ARHGAP40: variants seen among roughly 807,000 people sequenced by gnomAD.
ARHGAP40 encodes the protein Rho GTPase activating protein 40, also known as rho GTPase-activating protein 40.
ARHGAP40 carries 43 observed loss-of-function variants against 73.5 expected under a neutral mutation model. The ratio of observed to expected loss-of-function variants is 0.58; its 90% CI spans 0.46 to 0.75. The LOEUF (loss-of-function observed/expected upper bound fraction) is 0.75, where lower values mean the gene tolerates loss of function less well. ARHGAP40 is among the 30% of genes least tolerant of loss of function. The pLI, the probability that ARHGAP40 is intolerant of heterozygous loss-of-function variation, is 0.00. For missense variants in ARHGAP40, 734 were observed against 861.8 expected, an observed-to-expected ratio of 0.85 and a Z score of 1.86; for synonymous variants, 300 against 352.8, an observed-to-expected ratio of 0.85 and a Z score of 1.68.
exon 2 of ARHGAP40, chr20:38,623,478 G>T: frequency 1.5e-6 from 2 of 1,290,924 alleles, no homozygotes; most frequent in South Asian, 1.2e-5. Flanking sequence ...GATGGCTTTT[G>T]GATGGAGGTG....
At chr20:38,650,220 G>GTA (rs1208862039) in exon 15 of ARHGAP40, 1 of 402,008 alleles carries the variant, frequency 2.5e-6, no homozygotes, top group Non-Finnish European at 5.0e-6. Context: ...CAAGCTTGCT[G>GTA]TATGACGCCA....
chr20:38,603,991 G>A (rs2088756003), intron 1 of ARHGAP40, among the ~76,000 whole-genome samples: 1 of 152,182 alleles, frequency 6.6e-6, no homozygotes, highest in African/African-American at 2.4e-5. Flanking sequence ...CCCAACTCAA[G>A]ATCCTTAGCT....
At chr20:38,644,496 C>T (rs1196597862) in intron 11 of ARHGAP40, among the ~76,000 whole-genome samples, 1 of 152,102 alleles carries the variant, frequency 6.6e-6, no homozygotes, top group African/African-American at 2.4e-5. Flanking sequence ...CCTAGCGATG[C>T]GTAGCCTCTT....
chr20:38,638,531 G>A (rs553000845), intron 7 of ARHGAP40, among the ~76,000 whole-genome samples: 3 of 152,026 alleles, frequency 2.0e-5, no homozygotes, highest in Admixed American at 1.3e-4. Context: ...CTGTAAATTG[G>A]GATGATGATA....
intron 1 of ARHGAP40, among the ~76,000 whole-genome samples, chr20:38,603,594 CTG>C (rs902584287): frequency 1.3e-5 from 2 of 151,692 alleles, no homozygotes; most frequent in Admixed American, 1.3e-4. Context: ...ATCTCTCTCT[CTG>C]TCTCTCTCTC....
intron 1 of ARHGAP40, among the ~76,000 whole-genome samples, chr20:38,612,042 C>T (rs888873803): frequency 2.6e-5 from 4 of 152,058 alleles, no homozygotes; most frequent in Non-Finnish European, 5.9e-5. Flanking sequence ...CTAATATGAT[C>T]AAATTAACAA....
exon 1 of ARHGAP40, chr20:38,601,976 A>T: frequency 7.8e-7 from 1 of 1,287,870 alleles, no homozygotes; most frequent in South Asian, 1.2e-5. Context: ...CGCCGCCCAG[A>T]TGGAGAGGCT....
rs765935296 is a variant in ARHGAP40, at chr20:38,646,050, G to T, written c.1573G>T (p.Ala525Ser). The T allele has an allele frequency of 1.6e-5, 21 of 1,302,938 alleles. No homozygotes were observed. Among genetic ancestry groups the T allele is most frequent in the Non-Finnish European group, 2.1e-5 (21 of 988,044 alleles). The allele number at this position is 1,302,938 out of a possible 1,614,324, so 80.7% of individuals were successfully genotyped here. ...AAACTTGATCCTTTCTGGCCAGGTCGCCTCTTTCCTGGTCGCCCAGGTGCG... is the reference window on the plus strand; with the variant it reads ...AAACTTGATCCTTTCTGGCCAGGTCTCCTCTTTCCTGGTCGCCCAGGTGCG... Residue 525 changes from alanine to serine, a missense_variant, in exon 12 of 15, where the codon GCC becomes TCC. Physicochemically the swap from Ala to Ser is moderately conservative, Grantham distance 99. Transcript: ENST00000373345. This position sits in a 1 kb window ranked among gnomAD's most constrained non-coding sequence, Gnocchi z 4.5.
At position 38,646,002 on chromosome 20, in the gene ARHGAP40, C is replaced by G; in HGVS notation, c.1570-45C>G. 7.9e-7 allele frequency: 1 copy of G among 1,259,726 alleles called. No individual in the cohort carries two copies. Among genetic ancestry groups the G allele is most frequent in the Non-Finnish European group, 1.0e-6 (1 of 962,530 alleles). The allele number at this position is 1,259,726 out of a possible 1,614,324, so 78.0% of individuals were successfully genotyped here. ...CTGGAGAGGGCTCTGCCTCTCGCCC[C>G]CAGAAGTCCTATCCCCCTGCCAAAA... On this transcript the variant is annotated intron_variant, in intron 11 of 14. Transcript: ENST00000373345. The surrounding 1 kb of genome is among the most constrained non-coding windows in gnomAD (Gnocchi z 4.5).
chr20:38,617,186 C>T (rs1319662905), intron 1 of ARHGAP40, among the ~76,000 whole-genome samples: 1 of 152,182 alleles, frequency 6.6e-6, no homozygotes, highest in Non-Finnish European at 1.5e-5. Context: ...AGAGGAGGCT[C>T]AGCCACACCT....
chr20:38,623,379 G>T, exon 2 of ARHGAP40: 3 of 1,290,510 alleles, frequency 2.3e-6, no homozygotes, highest in Non-Finnish European at 3.0e-6. Context: ...TCCTCAGGCC[G>T]AATGGATCAG....
intron 1 of ARHGAP40, among the ~76,000 whole-genome samples, chr20:38,610,491 G>A (rs999801200): frequency 1.3e-5 from 2 of 152,240 alleles, no homozygotes; most frequent in Non-Finnish European, 2.9e-5. Flanking sequence ...AGAGGTCTGA[G>A]AAGGTGTCTC....
In ARHGAP40 at chr20:38,623,239, A is replaced by G. The variant is rs181417324; in HGVS notation, c.138-120A>G. ...TGAGATCACCCTGAGAAACATGCCT[A>G]GGAAGCTTGCTTAGCCCCCAGGGGC... On this transcript the variant is annotated intron_variant, in intron 1 of 14. Coordinates refer to ENST00000373345, the Ensembl canonical transcript of ARHGAP40. 231 of 699,180 alleles carry G rather than the reference A, an allele frequency of 3.3e-4. No individual in the cohort carries two copies. The African/African-American group carries it at 4.1e-3, about 12-fold the overall frequency. 43.3% of individuals were successfully genotyped at this position (699,180 alleles called of 1,614,324 possible).
In ARHGAP40 at chr20:38,640,896, G is replaced by A. The variant is rs1446508198; in HGVS notation, c.1280-830G>A. Among the ~76,000 whole-genome samples, 3 of 152,120 alleles carry A rather than the reference G, an allele frequency of 2.0e-5. No homozygotes were observed. In the East Asian group the frequency reaches 5.8e-4, roughly 29 times the overall value. The stretch of plus-strand genomic sequence containing the variant: ...CCAGCCTCTATAATGATGCAATGAT[G>A]CCCATCATACTCTGATTTATTCTTT... On this transcript the variant is annotated intron_variant, in intron 9 of 14. Coordinates refer to ENST00000373345, the Ensembl canonical transcript of ARHGAP40.
intron 5 of ARHGAP40, among the ~76,000 whole-genome samples, chr20:38,631,800 A>G (rs566023058): frequency 1.1e-4 from 16 of 152,300 alleles, no homozygotes; most frequent in Admixed American, 2.6e-4. Flanking sequence ...AGTAGCCTCT[A>G]TTCCAATGTG....
intron 1 of ARHGAP40, among the ~76,000 whole-genome samples, chr20:38,620,199 C>T (rs1601138101): frequency 6.6e-6 from 1 of 152,372 alleles, no homozygotes; most frequent in South Asian, 2.1e-4. Flanking sequence ...TCTGCATGCG[C>T]TATACCTCAA....
chr20:38,645,814 C>A (rs2089048082), intron 11 of ARHGAP40, among the ~76,000 whole-genome samples: 1 of 152,194 alleles, frequency 6.6e-6, no homozygotes, highest in Non-Finnish European at 1.5e-5. Context: ...TCCACTAAGC[C>A]TCAGGGTGGG....
chr20:38,620,210 C>T (rs921324617), intron 1 of ARHGAP40, among the ~76,000 whole-genome samples: 1 of 152,370 alleles, frequency 6.6e-6, no homozygotes, highest in South Asian at 2.1e-4. Context: ...TATACCTCAA[C>T]AAAGCGCTGG....
intron 6 of ARHGAP40, among the ~76,000 whole-genome samples, chr20:38,635,052 T>G (rs1171134745): frequency 1.3e-5 from 2 of 152,006 alleles, no homozygotes. Flanking sequence ...CAGCTAATTT[T>G]TGTATTTTTA....
Sources: gnomAD v4.1 joint callset for allele counts (sites outside exome capture counted in the v4.1 genomes callset) on GRCh38, gnomAD v4.1.1 for gene constraint, Gnocchi (gnomAD v3.1) non-coding constraint, MANE v1.5 for transcripts, NCBI Gene and HGNC (gene_info 2026-07-23, HGNC 2026-07-21) for gene names.